FRMD3: variants seen among roughly 807,000 people sequenced by gnomAD.
FRMD3 encodes FERM domain-containing protein 3.
FRMD3 carries 33 observed loss-of-function variants against 70.2 expected under a neutral mutation model. That is an observed-to-expected ratio of 0.47 (90% CI 0.36 to 0.63). FRMD3 has a LOEUF of 0.63. FRMD3 is among the 20% of genes least tolerant of loss of function. The pLI is 0.00. For missense variants in FRMD3, 632 were observed against 711.4 expected, an observed-to-expected ratio of 0.89 and a Z score of 1.27; for synonymous variants, 279 against 255.9, an observed-to-expected ratio of 1.09 and a Z score of -0.86.
the FRMD3 span, among the ~76,000 whole-genome samples, chr9:83,547,862 T>G: frequency 0.24 from 35,774 of 152,108 alleles, 4,575 homozygotes; most frequent in East Asian, 0.39. Context: ...TAAGATCAAG[T>G]GTAAAAATCA....
chr9:83,474,900 A>C (rs1828357547), intron 1 of FRMD3, among the ~76,000 whole-genome samples: 1 of 152,076 alleles, frequency 6.6e-6, no homozygotes, highest in South Asian at 2.1e-4. Context: ...CAATAATTGG[A>C]GTTCAGGGCC....
At chr9:83,545,334 G>A in the FRMD3 span, among the ~76,000 whole-genome samples, 2 of 149,022 alleles carry the variant, frequency 1.3e-5, no homozygotes, top group Admixed American at 1.3e-4. Context: ...CAAAAATACA[G>A]AGAAAAGTGT....
chr9:83,422,137 A>AT (rs1192941581), intron 1 of FRMD3, among the ~76,000 whole-genome samples: 3 of 152,298 alleles, frequency 2.0e-5, no homozygotes, highest in African/African-American at 7.2e-5. Flanking sequence ...AGGCAGGAGA[A>AT]TCGCTGGATC....
At position 83,403,241 on chromosome 9, in the gene FRMD3, C is replaced by A. The variant is rs1826004310; in HGVS notation, c.148-13533G>T. 2.0e-5 allele frequency among the ~76,000 whole-genome samples: 3 copies of A among 152,042 alleles called. No homozygotes were observed. In the South Asian group the frequency reaches 6.2e-4, roughly 32 times the overall value. ...GTCAAAAACTCCAAATTCCCTCCCC[C>A]AGGCCAAACCCATAAGGCACTATCT... On this transcript the variant is annotated intron_variant, in intron 1 of 13. Coordinates refer to ENST00000304195, the MANE Select transcript of FRMD3 (RefSeq NM_174938.6).
chr9:83,381,720 T>C (rs80098049), intron 2 of FRMD3, among the ~76,000 whole-genome samples: 2,215 of 151,800 alleles, frequency 0.015, 33 homozygotes, highest in Non-Finnish European at 0.02. Context: ...AGGAAGTCTT[T>C]AAAAAAAAGC....
At chr9:83,479,793 AG>A (rs1564097253) in intron 1 of FRMD3, among the ~76,000 whole-genome samples, 4 of 58,442 alleles carry the variant, frequency 6.8e-5, no homozygotes, top group Non-Finnish European at 1.4e-4. Context: ...GAGGGAAGGA[AG>A]GAAGGAAGGA....
intron 2 of FRMD3, among the ~76,000 whole-genome samples, chr9:83,386,100 G>A (rs11140064): frequency 0.11 from 16,032 of 152,142 alleles, 1,139 homozygotes; most frequent in Non-Finnish European, 0.15. Flanking sequence ...CAACCCTACA[G>A]GTTGGTATTG....
chr9:83,361,673 C>T (rs1379824954), intron 3 of FRMD3, among the ~76,000 whole-genome samples: 5 of 152,114 alleles, frequency 3.3e-5, no homozygotes, highest in African/African-American at 1.2e-4. Flanking sequence ...GAAATAGGGT[C>T]TTTGTAGATG....
At chr9:83,250,821 C>T (rs1028455144) in intron 13 of FRMD3, among the ~76,000 whole-genome samples, 3 of 152,194 alleles carry the variant, frequency 2.0e-5, no homozygotes, top group Admixed American at 6.5e-5. Context: ...GGGGCTTCAC[C>T]CATTCCAGCC....
chr9:83,565,869 C>A, the FRMD3 span, among the ~76,000 whole-genome samples: 3 of 152,170 alleles, frequency 2.0e-5, no homozygotes, highest in African/African-American at 7.2e-5. Flanking sequence ...CCTTTTGCAT[C>A]AAATAAGCCA....
intron 13 of FRMD3, among the ~76,000 whole-genome samples, chr9:83,271,954 G>A (rs1359231688): frequency 2.0e-5 from 3 of 152,078 alleles, no homozygotes; most frequent in East Asian, 1.9e-4. Context: ...ATTTATAAAC[G>A]GAAAAGAGCA....
Position 83,469,954 on chromosome 9 carries a change from C to G in FRMD3, c.147+68131G>C, listed in dbSNP as rs181202290. On this transcript the variant is annotated intron_variant, in intron 1 of 13. Transcript: ENST00000304195. Reference sequence around the variant, plus strand: ...AGAGCTGTATAAAAGTAGAGATTCCCAGGCTGAAGAGCTCTGGGGATAGGA... The same window carrying G: ...AGAGCTGTATAAAAGTAGAGATTCCGAGGCTGAAGAGCTCTGGGGATAGGA... 3.5e-3 allele frequency among the ~76,000 whole-genome samples: 528 copies of G among 152,300 alleles called. 3 individuals carry two copies. Among genetic ancestry groups the G allele is most frequent in the African/African-American group, 0.012 (500 of 41,564 alleles).
intron 3 of FRMD3, 60 bp from the exon 4 acceptor site, chr9:83,349,817 A>T: frequency 6.1e-6 from 8 of 1,318,154 alleles, no homozygotes; most frequent in Non-Finnish European, 8.7e-6. Flanking sequence ...CCTCAAACAC[A>T]CACGGGAAAG....
chr9:83,296,667 C>T (rs1342288326), intron 12 of FRMD3, among the ~76,000 whole-genome samples: 2 of 152,112 alleles, frequency 1.3e-5, no homozygotes, highest in Non-Finnish European at 2.9e-5. Context: ...CTCAAGGGCC[C>T]CCAGGTCCTT....
At chr9:83,410,088 C>T (rs924385026) in intron 1 of FRMD3, among the ~76,000 whole-genome samples, 8 of 152,196 alleles carry the variant, frequency 5.3e-5, no homozygotes, top group African/African-American at 1.9e-4. Flanking sequence ...TAGCAATATC[C>T]TTCCTTTCAC....
intron 13 of FRMD3, among the ~76,000 whole-genome samples, chr9:83,265,887 G>A (rs1319047692): frequency 2.6e-5 from 4 of 152,156 alleles, no homozygotes; most frequent in Non-Finnish European, 5.9e-5. Context: ...ATCTATTAAA[G>A]AGAAATGCCT....
chr9:83,307,249 T>C (rs1835168513), intron 10 of FRMD3, among the ~76,000 whole-genome samples: 1 of 152,210 alleles, frequency 6.6e-6, no homozygotes, highest in African/African-American at 2.4e-5. Context: ...GCTTAGGCAC[T>C]GAAAACAATG....
chr9:83,375,201 A>G (rs1420962735), intron 2 of FRMD3, among the ~76,000 whole-genome samples: 10 of 152,234 alleles, frequency 6.6e-5, no homozygotes, highest in African/African-American at 2.2e-4. Flanking sequence ...CCATGCCACT[A>G]TAGATTGGCG....
At chr9:83,261,377 G>T (rs1587638145) in intron 13 of FRMD3, among the ~76,000 whole-genome samples, 1 of 151,994 alleles carries the variant, frequency 6.6e-6, no homozygotes, top group South Asian at 2.1e-4. Flanking sequence ...TTGACACCAT[G>T]GTCAGTTGCT....
Sources: gnomAD v4.1 joint callset for allele counts (sites outside exome capture counted in the v4.1 genomes callset) on GRCh38, gnomAD v4.1.1 for gene constraint, MANE v1.5 for transcripts, NCBI Gene and HGNC (gene_info 2026-07-23, HGNC 2026-07-21) for gene names.